IL1RL2: variants seen among roughly 807,000 people sequenced by gnomAD.
IL1RL2 encodes interleukin-1 receptor-like 2.
A neutral mutation model predicts 66.8 loss-of-function variants in IL1RL2; 68 were observed. The observed-to-expected ratio is 1.02, with a 90% CI of 0.84 to 1.25. The LOEUF (loss-of-function observed/expected upper bound fraction) is 1.25. IL1RL2 is among the 50% of genes most tolerant of loss of function. IL1RL2 has a pLI of 0.00. For missense variants in IL1RL2, 729 were observed against 709.3 expected (o/e 1.03, Z -0.32); for synonymous variants, 305 against 264.6 (o/e 1.15, Z -1.48).
chr2:102,227,020 G>A (rs1165177674), intron 9 of IL1RL2, among the ~76,000 whole-genome samples: 2 of 152,226 alleles, frequency 1.3e-5, no homozygotes, highest in African/African-American at 4.8e-5. Flanking sequence ...ATGCCTCAGT[G>A]TGATCCTGAC....
chr2:102,209,774 G>C (rs1689000651), intron 5 of IL1RL2, among the ~76,000 whole-genome samples: 1 of 152,186 alleles, frequency 6.6e-6, no homozygotes, highest in Admixed American at 6.5e-5. Context: ...TGGCAGCTTG[G>C]AGACCACTTA....
At chr2:102,212,821 T>C (rs1396274281) in intron 6 of IL1RL2, among the ~76,000 whole-genome samples, 2 of 151,936 alleles carry the variant, frequency 1.3e-5, no homozygotes, top group Admixed American at 1.3e-4. Context: ...TACAAAAAAT[T>C]AGCCGGGCAT....
chr2:102,187,208 C>A (rs1686755608), intron 1 of IL1RL2, 122 bp downstream of exon 1: 1 of 1,219,316 alleles, frequency 8.2e-7, no homozygotes, highest in Non-Finnish European at 1.1e-6. Context: ...TCAGGCCCCC[C>A]AGGCCGGCCC....
intron 6 of IL1RL2, 95 bp from the exon 7 acceptor site, chr2:102,218,858 G>A: frequency 1.9e-6 from 2 of 1,068,016 alleles, no homozygotes; most frequent in Non-Finnish European, 1.4e-6. Context: ...AGGTATTCGA[G>A]GCTCGAGAGT....
chr2:102,204,320 T>C (rs878876417), intron 5 of IL1RL2, among the ~76,000 whole-genome samples: 1 of 152,184 alleles, frequency 6.6e-6, no homozygotes, highest in Non-Finnish European at 1.5e-5. Flanking sequence ...TCCTTGAGAA[T>C]GATCCATGTG....
At chr2:102,200,461 C>T (rs972349476) in intron 4 of IL1RL2, among the ~76,000 whole-genome samples, 9 of 152,052 alleles carry the variant, frequency 5.9e-5, no homozygotes, top group Admixed American at 4.6e-4. Context: ...AACACTTGGG[C>T]AGGTAAATAT....
chr2:102,202,501 T>A (rs997401754), intron 5 of IL1RL2, among the ~76,000 whole-genome samples: 8 of 151,882 alleles, frequency 5.3e-5, no homozygotes, highest in Non-Finnish European at 1.0e-4. Context: ...TTTTTTGGTG[T>A]CCTCTTCAAT....
chr2:102,235,485 C>T, intron 11 of IL1RL2: 1 of 985,454 alleles, frequency 1.0e-6, no homozygotes, highest in Non-Finnish European at 1.2e-6. Context: ...ACGGCTTCTG[C>T]AGAAGGCCCT....
chr2:102,237,042 G>A (rs1185769677), intron 11 of IL1RL2, among the ~76,000 whole-genome samples: 1 of 152,172 alleles, frequency 6.6e-6, no homozygotes, highest in Non-Finnish European at 1.5e-5. Context: ...TGTCCTGTGA[G>A]TGTGGTCATT....
chr2:102,225,306 C>A (rs796374462), intron 8 of IL1RL2, among the ~76,000 whole-genome samples: 3 of 152,336 alleles, frequency 2.0e-5, no homozygotes, highest in African/African-American at 7.2e-5. Context: ...CGCACAGGCA[C>A]CCAGCCTGGA....
At chr2:102,207,685 G>A (rs2104784862) in intron 5 of IL1RL2, among the ~76,000 whole-genome samples, 1 of 144,882 alleles carries the variant, frequency 6.9e-6, no homozygotes, top group East Asian at 1.9e-4. Flanking sequence ...TAGCTGCAAG[G>A]TGTGCAGTCT....
intron 1 of IL1RL2, chr2:102,187,300 G>T: frequency 8.5e-7 from 1 of 1,175,334 alleles, no homozygotes; most frequent in Non-Finnish European, 1.1e-6. Flanking sequence ...CAGCTCCAGC[G>T]GCTCCCTGCC....
In IL1RL2 at chr2:102,219,034, T is replaced by C; in HGVS notation, c.806T>C (p.Leu269Ser). 3 of 1,613,988 alleles carry C rather than the reference T, an allele frequency of 1.9e-6. No individual in the cohort carries two copies. The highest frequency in any genetic ancestry group is 1.3e-5 in the African/African-American group (1 of 75,036). ...NLRCWRVNNT[L>S]VDDYYDESKR... The stretch of plus-strand genomic sequence containing the variant: ...CGATGCTGGAGAGTCAATAACACTT[T>C]GGTGGATGATTACTATGATGAATCC... Residue 269 changes from leucine (L) to serine (S), a missense_variant, in exon 7 of 12, where the codon TTG becomes TCG. By Grantham distance (145) the Leu-to-Ser change is moderately radical. Transcript: ENST00000264257.
At chr2:102,208,263 T>C (rs1166311191) in intron 5 of IL1RL2, among the ~76,000 whole-genome samples, 1 of 152,012 alleles carries the variant, frequency 6.6e-6, no homozygotes, top group Non-Finnish European at 1.5e-5. Context: ...GGTGTCCTTG[T>C]AGGGGAGACA....
In IL1RL2 at chr2:102,239,501, T is replaced by A. The variant is rs1675146827; in HGVS notation, c.*260T>A. ...CCCCATGGTCATGGAGGGTGAGGGC[T>A]GGTCGGGGGAGGCATCCCCAAGTCA... On this transcript the variant is annotated 3_prime_UTR_variant, in exon 12 of 12. Coordinates refer to ENST00000264257, the MANE Select transcript of IL1RL2 (RefSeq NM_003854.4). 2.5e-6 allele frequency: 1 copy of A among 403,718 alleles called. No individual in the cohort carries two copies. The highest frequency in any genetic ancestry group is 2.7e-5 in the South Asian group (1 of 37,558). The allele number at this position is 403,718 out of a possible 1,614,324, so 25.0% of individuals were successfully genotyped here. A position where few individuals can be genotyped will look rare whatever the true frequency, so the allele number is the denominator to read the frequency against.
Position 102,234,945 on chromosome 2 carries a change from T to C in IL1RL2, c.1346T>C (p.Ile449Thr). The change falls in exon 11 of 12, where the codon ATT becomes ACT. Residue 449 changes from isoleucine (I) to threonine (T), a missense_variant. Coordinates refer to ENST00000264257, the MANE Select transcript of IL1RL2 (RefSeq NM_003854.4). ...AACGTTAAGCTGTGCAGGAGGCTGA[T>C]TGTCATTGTGGTCCCCGAATCGCTG... ...DENVKLCRRL[I>T]VIVVPESLGF... The C allele has an allele frequency of 6.2e-7, 1 of 1,614,212 alleles. No homozygotes were observed. Among genetic ancestry groups the C allele is most frequent in the South Asian group, 1.1e-5 (1 of 91,086 alleles).
chr2:102,211,445 G>A (rs1322646108), intron 5 of IL1RL2, among the ~76,000 whole-genome samples: 1 of 152,140 alleles, frequency 6.6e-6, no homozygotes, highest in Non-Finnish European at 1.5e-5. Flanking sequence ...GAAATGCAGA[G>A]TTGGAGGAGG....
intron 4 of IL1RL2, among the ~76,000 whole-genome samples, chr2:102,195,601 CTTTCTTTCTTTCTTTCTTTCTTTCTT>C (rs1687638596): frequency 3.4e-4 from 6 of 17,456 alleles, no homozygotes; most frequent in South Asian, 3.4e-3. Flanking sequence ...TTCTTTCTTT[CTTTCTTTCTTTCTTTCTTTCTTTCTT>C]TCTCTCTCTC....
In IL1RL2 at chr2:102,225,877, T is replaced by C. The variant is rs747403298; in HGVS notation, c.992-21T>C. On this transcript the variant is annotated intron_variant, in intron 8 of 11. Transcript: ENST00000264257. The stretch of plus-strand genomic sequence containing the variant: ...ATTATTATAATTATAATTATTATTA[T>C]TTTTTTGCTGTCATTTGTAGCTCCG... The C allele has an allele frequency of 1.4e-5, 20 of 1,479,848 alleles. No homozygotes were observed. In the Middle Eastern group the frequency reaches 1.1e-3, roughly 80 times the overall value. 91.7% of individuals were successfully genotyped at this position (1,479,848 alleles called of 1,614,324 possible).
Sources: gnomAD v4.1 joint callset for allele counts (sites outside exome capture counted in the v4.1 genomes callset) on GRCh38, gnomAD v4.1.1 for gene constraint, MANE v1.5 for transcripts, NCBI Gene and HGNC (gene_info 2026-07-23, HGNC 2026-07-21) for gene names.